NRXN3: variants seen among roughly 807,000 people sequenced by gnomAD.
NRXN3 encodes neurexin III.
In NRXN3, 32 loss-of-function variants were observed where a neutral mutation model predicts 137.6. The ratio of observed to expected loss-of-function variants is 0.23; its 90% CI spans 0.18 to 0.31. The LOEUF (loss-of-function observed/expected upper bound fraction) is 0.31, where lower values mean the gene tolerates loss of function less well. Among genes scored for constraint, NRXN3 ranks in the 10% least tolerant of loss-of-function variants. The probability of loss-of-function intolerance (pLI) is 1.00; values close to 1 mark genes in which losing one functional copy is unlikely to be tolerated. For synonymous variants in NRXN3, 798 were observed against 784.5 expected, an observed-to-expected ratio of 1.02 and a Z score of -0.29; for missense variants, 1,574 against 2,062.5, an observed-to-expected ratio of 0.76 and a Z score of 4.59.
At chr14:79,062,057 C>T (rs1356698468) in intron 15 of NRXN3, among the ~76,000 whole-genome samples, 2 of 152,126 alleles carry the variant, frequency 1.3e-5, no homozygotes, top group Admixed American at 6.5e-5. Flanking sequence ...TTTAGTAAAA[C>T]GTCCATAATT....
At chr14:78,816,702 T>A (rs1187006055) in intron 10 of NRXN3, among the ~76,000 whole-genome samples, 1 of 152,190 alleles carries the variant, frequency 6.6e-6, no homozygotes, top group East Asian at 1.9e-4. Flanking sequence ...AAAAGATAAG[T>A]GCATTATAAA....
chr14:79,000,071 G>T (rs2099538295), intron 15 of NRXN3, among the ~76,000 whole-genome samples: 1 of 152,222 alleles, frequency 6.6e-6, no homozygotes, highest in African/African-American at 2.4e-5. Flanking sequence ...CCCTGTAGGA[G>T]AATTCAGTCA....
At chr14:79,165,677 A>C (rs914020207) in intron 15 of NRXN3, among the ~76,000 whole-genome samples, 1 of 152,010 alleles carries the variant, frequency 6.6e-6, no homozygotes, top group East Asian at 1.9e-4. Context: ...CAGTGCAGTC[A>C]TTAGACTGCA....
Position 79,643,711 on chromosome 14 carries a change from C to A in NRXN3, c.3445-20067C>A, listed in dbSNP as rs190101341. Among the ~76,000 whole-genome samples, 189 of 135,036 alleles carry A rather than the reference C, an allele frequency of 1.4e-3. 46 individuals carry two copies. The highest frequency in any genetic ancestry group is 2.6e-3 in the Non-Finnish European group (152 of 58,054). 88.6% of individuals were successfully genotyped at this position (135,036 alleles called of 152,430 possible). On this transcript the variant is annotated intron_variant, in intron 16 of 20. Coordinates refer to ENST00000335750, the MANE Select transcript of NRXN3 (RefSeq NM_001330195.2). Reference sequence around the variant, plus strand: ...TTACTGCTTTTTGCTGTGCTGGTCCCACTGCTTAGAATGTTATTTCCTCAA... The same window carrying A: ...TTACTGCTTTTTGCTGTGCTGGTCCAACTGCTTAGAATGTTATTTCCTCAA...
At position 78,847,886 on chromosome 14, in the gene NRXN3, C is replaced by T. The variant is rs185360741; in HGVS notation, c.2275+37542C>T. On this transcript the variant is annotated intron_variant, in intron 10 of 20. Coordinates refer to ENST00000335750, the MANE Select transcript of NRXN3 (RefSeq NM_001330195.2). ...CAAAGAAAGAAAGGTCACTCGCCAC[C>T]CTACTTGTAAAACTGTCAGAGGATT... Among the ~76,000 whole-genome samples, 191 of 152,156 alleles carry T rather than the reference C, an allele frequency of 1.3e-3. 1 individual carries two copies. The highest frequency in any genetic ancestry group is 4.2e-3 in the African/African-American group (175 of 41,512).
At chr14:79,407,784 C>A (rs957665059) in intron 15 of NRXN3, among the ~76,000 whole-genome samples, 4 of 152,112 alleles carry the variant, frequency 2.6e-5, no homozygotes, top group Non-Finnish European at 4.4e-5. Context: ...TATTTAACTG[C>A]TTCGTGCCCC....
At chr14:78,617,350 G>A (rs2152489365) in intron 4 of NRXN3, among the ~76,000 whole-genome samples, 1 of 152,274 alleles carries the variant, frequency 6.6e-6, no homozygotes, top group South Asian at 2.1e-4. Context: ...GACCCATAGG[G>A]CTCTGTCTTA....
At chr14:79,141,567 C>G (rs1266594995) in intron 15 of NRXN3, among the ~76,000 whole-genome samples, 1 of 152,154 alleles carries the variant, frequency 6.6e-6, no homozygotes, top group Non-Finnish European at 1.5e-5. Context: ...TTCTCTTTGG[C>G]TCAGGATCAG....
In NRXN3 at chr14:78,824,852, G is replaced by C. The variant is rs1261350298; in HGVS notation, c.2275+14508G>C. 3.3e-5 allele frequency among the ~76,000 whole-genome samples: 5 copies of C among 152,026 alleles called. No homozygotes were observed. The South Asian group carries it at 1.0e-3, about 32-fold the overall frequency. On this transcript the variant is annotated intron_variant, in intron 10 of 20. Coordinates refer to ENST00000335750, the MANE Select transcript of NRXN3 (RefSeq NM_001330195.2). ...CACAAAGAAATGGTAAATGCTTGAG[G>C]TGAAGGATACTCCATTTACCCTGAT...
At chr14:78,618,422 A>T (rs1337935457) in intron 4 of NRXN3, among the ~76,000 whole-genome samples, 1 of 152,176 alleles carries the variant, frequency 6.6e-6, no homozygotes, top group Non-Finnish European at 1.5e-5. Context: ...GCAAACCTAC[A>T]CTGGCAATGC....
intron 14 of NRXN3, among the ~76,000 whole-genome samples, chr14:78,986,117 C>A (rs535461052): frequency 6.6e-6 from 1 of 152,114 alleles, no homozygotes. Flanking sequence ...TTTGAACATG[C>A]GTCTTTAGGA....
intron 8 of NRXN3, among the ~76,000 whole-genome samples, chr14:78,786,182 A>G (rs900634636): frequency 1.3e-5 from 2 of 152,212 alleles, no homozygotes; most frequent in Non-Finnish European, 2.9e-5. Context: ...AATGCCTGGA[A>G]CAATAGTATG....
chr14:78,699,196 G>A (rs1370425303), intron 6 of NRXN3, among the ~76,000 whole-genome samples: 2 of 150,668 alleles, frequency 1.3e-5, no homozygotes, highest in Non-Finnish European at 3.0e-5. Context: ...GAAATCAGCT[G>A]TGGGTGGGAA....
intron 10 of NRXN3, among the ~76,000 whole-genome samples, chr14:78,925,013 A>G (rs1431556563): frequency 1.3e-5 from 2 of 152,188 alleles, no homozygotes; most frequent in African/African-American, 4.8e-5. Context: ...TATAATTCCA[A>G]TAGCAATGGC....
Position 78,944,863 on chromosome 14 carries a change from C to T in NRXN3, c.2276-12379C>T, listed in dbSNP as rs531397516. Among the ~76,000 whole-genome samples, 5 of 152,282 alleles carry T rather than the reference C, an allele frequency of 3.3e-5. No homozygotes were observed. The South Asian group carries it at 1.0e-3, about 32-fold the overall frequency. On this transcript the variant is annotated intron_variant, in intron 10 of 20. Coordinates refer to ENST00000335750, the MANE Select transcript of NRXN3 (RefSeq NM_001330195.2). ...GAATATCAGGAATCTTATTAAAATG[C>T]CACTTCATAGTATCCATCCCAGATC...
At chr14:78,989,278 C>T (rs1419795787) in intron 15 of NRXN3, among the ~76,000 whole-genome samples, 1 of 152,100 alleles carries the variant, frequency 6.6e-6, no homozygotes, top group African/African-American at 2.4e-5. Context: ...TGCTATGCCC[C>T]CCAGATCTAT....
At chr14:78,794,850 G>A (rs1404731133) in intron 8 of NRXN3, among the ~76,000 whole-genome samples, 1 of 151,842 alleles carries the variant, frequency 6.6e-6, no homozygotes, top group Non-Finnish European at 1.5e-5. Flanking sequence ...CAAGGCAGGA[G>A]AATCACTTGA....
At chr14:78,553,099 T>G (rs2096707893) in intron 4 of NRXN3, among the ~76,000 whole-genome samples, 3 of 152,258 alleles carry the variant, frequency 2.0e-5, no homozygotes, top group African/African-American at 7.2e-5. Context: ...GCTATGATTA[T>G]CTTTAACCAC....
intron 19 of NRXN3, among the ~76,000 whole-genome samples, chr14:79,720,101 G>GT (rs1376855599): frequency 1.3e-5 from 2 of 152,092 alleles, no homozygotes; most frequent in Non-Finnish European, 2.9e-5. Context: ...AAGGAAAGAG[G>GT]TTTAATAGAC....
Sources: allele counts gnomAD v4.1 joint callset (sites outside exome capture counted in the v4.1 genomes callset), GRCh38; gene constraint gnomAD v4.1.1; transcripts MANE v1.5; gene names NCBI Gene and HGNC (gene_info 2026-07-23, HGNC 2026-07-21).